The following SLC4A4 variants were observed in gnomAD, a reference collection of about 807,000 sequenced individuals.
SLC4A4 encodes electrogenic sodium bicarbonate cotransporter 1.
A neutral mutation model predicts 111.5 loss-of-function variants in SLC4A4; 27 were observed. That is an observed-to-expected ratio of 0.24 (90% CI 0.18 to 0.33). The LOEUF (loss-of-function observed/expected upper bound fraction) is 0.33. SLC4A4 is among the 10% of genes least tolerant of loss of function. The pLI is 1.00. For synonymous variants in SLC4A4, 443 were observed against 463.4 expected (o/e 0.96, Z 0.57); for missense variants, 909 against 1,315.5 (o/e 0.69, Z 4.78).
chr4:71,311,708 A>G (rs924996677), intron 3 of SLC4A4, among the ~76,000 whole-genome samples: 2 of 152,180 alleles, frequency 1.3e-5, no homozygotes, highest in African/African-American at 4.8e-5. Context: ...AATTTATAGC[A>G]CTCAATGCCC....
At chr4:71,172,759 T>G (rs1344983969) in intron 2 of SLC4A4, among the ~76,000 whole-genome samples, 1 of 152,172 alleles carries the variant, frequency 6.6e-6, no homozygotes, top group Non-Finnish European at 1.5e-5. Flanking sequence ...TCAGGCTCAG[T>G]GCCTAGATAT....
intron 1 of SLC4A4, among the ~76,000 whole-genome samples, chr4:71,085,379 T>C (rs1313168974): frequency 6.6e-6 from 1 of 152,020 alleles, no homozygotes; most frequent in Non-Finnish European, 1.5e-5. Flanking sequence ...GATGGTAGTT[T>C]CTTTTGCTGT....
intron 17 of SLC4A4, 108 bp downstream of exon 17, chr4:71,532,283 A>T (rs974929463): frequency 1.3e-6 from 1 of 766,602 alleles, no homozygotes; most frequent in Non-Finnish European, 2.3e-6. Context: ...AATTATCCAT[A>T]TTTTTTTTCC....
intron 1 of SLC4A4, among the ~76,000 whole-genome samples, chr4:71,225,942 A>G (rs1442232535): frequency 3.3e-5 from 5 of 152,242 alleles, no homozygotes; most frequent in Non-Finnish European, 7.3e-5. Context: ...CTGTGTATAA[A>G]CATAAAACTA....
rs1036837529 is a variant in SLC4A4, at chr4:71,569,830, T to G, written c.*2079T>G. 5.9e-5 allele frequency: 9 copies of G among 151,742 alleles called. No individual in the cohort carries two copies. The highest frequency in any genetic ancestry group is 1.2e-4 in the Non-Finnish European group (8 of 67,802). The allele number at this position is 151,742 out of a possible 1,614,324, so 9.4% of individuals were successfully genotyped here. On this transcript the variant is annotated 3_prime_UTR_variant, in exon 26 of 26. Coordinates refer to ENST00000264485, the MANE Select transcript of SLC4A4 (RefSeq NM_001098484.3). ...ACAGTACCTGATACTCCTAAAACTT[T>G]TAACTTATACAAATTAGTCAATAAT... is the stretch of plus-strand genomic sequence containing the variant.
chr4:71,220,171 T>A (rs1480105496), intron 1 of SLC4A4, among the ~76,000 whole-genome samples: 2 of 152,222 alleles, frequency 1.3e-5, no homozygotes, highest in Non-Finnish European at 2.9e-5. Context: ...AATCAATTGA[T>A]GAGGCAAACT....
At chr4:71,178,308 G>C (rs954453757) in intron 2 of SLC4A4, among the ~76,000 whole-genome samples, 1 of 151,756 alleles carries the variant, frequency 6.6e-6, no homozygotes, top group Non-Finnish European at 1.5e-5. Context: ...AGAGAAGCAA[G>C]AGCAAACACA....
intron 3 of SLC4A4, among the ~76,000 whole-genome samples, chr4:71,257,776 A>G (rs930122402): frequency 6.6e-6 from 1 of 152,338 alleles, no homozygotes; most frequent in Admixed American, 6.5e-5. Flanking sequence ...TGTGATGCTT[A>G]TACTTCTGAG....
chr4:71,323,681 G>A (rs1460657108), intron 3 of SLC4A4, among the ~76,000 whole-genome samples: 2 of 151,978 alleles, frequency 1.3e-5, no homozygotes, highest in African/African-American at 4.8e-5. Flanking sequence ...GTCAAAAGAC[G>A]TAATTTGGGT....
intron 16 of SLC4A4, among the ~76,000 whole-genome samples, chr4:71,531,151 C>T (rs891968666): frequency 2.0e-5 from 3 of 152,034 alleles, no homozygotes; most frequent in East Asian, 3.9e-4. Flanking sequence ...CTGGTAATGC[C>T]CTTAGTCCTC....
intron 3 of SLC4A4, among the ~76,000 whole-genome samples, chr4:71,283,301 A>G (rs1723671796): frequency 2.0e-5 from 3 of 152,154 alleles, no homozygotes; most frequent in Non-Finnish European, 2.9e-5. Flanking sequence ...TTTCATGGCA[A>G]TGTTTTTAGG....
intron 1 of SLC4A4, among the ~76,000 whole-genome samples, chr4:71,077,399 G>A (rs979260759): frequency 6.6e-6 from 1 of 152,092 alleles, no homozygotes; most frequent in Non-Finnish European, 1.5e-5. Context: ...GACCTCAGGG[G>A]ATCCCTCCCA....
intron 1 of SLC4A4, among the ~76,000 whole-genome samples, chr4:71,084,381 T>TTTAAACC (rs1742085687): frequency 2.0e-5 from 3 of 152,088 alleles, no homozygotes; most frequent in African/African-American, 4.8e-5. Context: ...CCACACCAAA[T>TTTAAACC]GACAGTTTTT....
At chr4:71,464,212 G>A (rs932662012) in intron 12 of SLC4A4, among the ~76,000 whole-genome samples, 2 of 152,142 alleles carry the variant, frequency 1.3e-5, no homozygotes, top group Non-Finnish European at 2.9e-5. Context: ...CCTTACCAGG[G>A]GTGAAGTCTG....
chr4:71,266,890 C>T (rs1722305703), intron 3 of SLC4A4, among the ~76,000 whole-genome samples: 1 of 152,242 alleles, frequency 6.6e-6, no homozygotes, highest in South Asian at 2.1e-4. Context: ...GTCCTGGGCA[C>T]TGGGGCTATA....
At chr4:71,222,512 C>T (rs1160717926) in intron 1 of SLC4A4, among the ~76,000 whole-genome samples, 3 of 152,160 alleles carry the variant, frequency 2.0e-5, no homozygotes, top group Admixed American at 6.5e-5. Flanking sequence ...GTCTATTTCC[C>T]ACCATGGATT....
At chr4:71,369,764 A>G (rs970363737) in intron 6 of SLC4A4, among the ~76,000 whole-genome samples, 5 of 152,198 alleles carry the variant, frequency 3.3e-5, no homozygotes, top group African/African-American at 1.2e-4. Flanking sequence ...GCACTTTCCC[A>G]CAGGTTTCTA....
intron 14 of SLC4A4, among the ~76,000 whole-genome samples, chr4:71,480,077 A>G (rs1245409218): frequency 6.8e-6 from 1 of 146,376 alleles, no homozygotes; most frequent in Non-Finnish European, 1.5e-5. Context: ...ACTGGAATGC[A>G]GTGGCATGAT....
chr4:71,495,173 G>A (rs1010619108), intron 15 of SLC4A4, among the ~76,000 whole-genome samples: 2 of 151,996 alleles, frequency 1.3e-5, no homozygotes, highest in African/African-American at 4.8e-5. Context: ...TAAGCAAGAA[G>A]ACATGTCTGT....
Sources: allele counts gnomAD v4.1 joint callset (sites outside exome capture counted in the v4.1 genomes callset), GRCh38; gene constraint gnomAD v4.1.1; transcripts MANE v1.5; gene names NCBI Gene and HGNC (gene_info 2026-07-23, HGNC 2026-07-21).